SYT1: variants seen among roughly 807,000 people sequenced by gnomAD.
SYT1 encodes synaptotagmin 1, also known as synaptotagmin-1.
In SYT1, 8 loss-of-function variants were observed where a neutral mutation model predicts 44.8. The ratio of observed to expected loss-of-function variants is 0.18; its 90% CI spans 0.10 to 0.32. The LOEUF (loss-of-function observed/expected upper bound fraction) is 0.32, where lower values mean the gene tolerates loss of function less well. Among genes scored for constraint, SYT1 ranks in the 10% least tolerant of loss-of-function variants. SYT1 has a pLI of 1.00. For synonymous variants in SYT1, 154 were observed against 188.8 expected (o/e 0.82, Z 1.51); for missense variants, 286 against 509.3 (o/e 0.56, Z 4.22).
At chr12:79,196,758 T>A (rs894963942) in intron 3 of SYT1, among the ~76,000 whole-genome samples, 7 of 152,104 alleles carry the variant, frequency 4.6e-5, no homozygotes, top group African/African-American at 1.7e-4. Context: ...CAACAGGAGG[T>A]AAGAGAGTCA....
chr12:79,083,822 T>A (rs1176690660), intron 3 of SYT1, among the ~76,000 whole-genome samples: 1 of 152,160 alleles, frequency 6.6e-6, no homozygotes, highest in Non-Finnish European at 1.5e-5. Context: ...AATATTTGAT[T>A]CTTGGAGAGA....
chr12:79,302,338 G>A (rs1213151743), intron 8 of SYT1, among the ~76,000 whole-genome samples: 4 of 152,082 alleles, frequency 2.6e-5, no homozygotes, highest in Non-Finnish European at 5.9e-5. Context: ...GATTTAAAGA[G>A]GTTAAATCAA....
chr12:79,440,985 A>G (rs1870378276), intron 9 of SYT1, among the ~76,000 whole-genome samples: 1 of 152,204 alleles, frequency 6.6e-6, no homozygotes, highest in South Asian at 2.1e-4. Flanking sequence ...ACTAGAAGAC[A>G]CTTAGTTCCT....
At position 78,974,251 on chromosome 12, in the gene SYT1, C is replaced by T. The variant is rs553190346; in HGVS notation, c.-216-3548C>T. Reference sequence around the variant, plus strand: ...TACAGTAAAAATATGGTATTATAAGCTTATGAGACCATCATCTTAAATGCA... The same window carrying T: ...TACAGTAAAAATATGGTATTATAAGTTTATGAGACCATCATCTTAAATGCA... On this transcript the variant is annotated intron_variant, in intron 1 of 10. Transcript: ENST00000261205. Among the ~76,000 whole-genome samples the T allele has an allele frequency of 1.9e-4, 28 of 151,090 alleles. No homozygotes were observed. The South Asian group carries it at 5.8e-3, about 31-fold the overall frequency.
At chr12:79,057,836 G>C (rs1229935695) in intron 3 of SYT1, among the ~76,000 whole-genome samples, 1 of 151,790 alleles carries the variant, frequency 6.6e-6, no homozygotes, top group East Asian at 1.9e-4. Flanking sequence ...TATGGCTTCA[G>C]GCTGCTAAAA....
intron 3 of SYT1, among the ~76,000 whole-genome samples, chr12:79,127,390 A>G (rs1868506875): frequency 6.6e-6 from 1 of 151,768 alleles, no homozygotes; most frequent in East Asian, 1.9e-4. Context: ...AAACATGGGC[A>G]GTTCTTACGA....
At chr12:79,095,209 T>A (rs1878043773) in intron 3 of SYT1, among the ~76,000 whole-genome samples, 2 of 151,824 alleles carry the variant, frequency 1.3e-5, no homozygotes, top group African/African-American at 4.8e-5. Context: ...AACAAATAAT[T>A]CAAATAAATT....
chr12:78,912,137 G>A (rs921565094), intron 1 of SYT1, among the ~76,000 whole-genome samples: 1 of 151,878 alleles, frequency 6.6e-6, no homozygotes, highest in Non-Finnish European at 1.5e-5. Context: ...AATGTTAGGT[G>A]TATCTGTCAT....
intron 1 of SYT1, among the ~76,000 whole-genome samples, chr12:78,871,834 G>T (rs894162175): frequency 1.3e-5 from 2 of 151,368 alleles, no homozygotes; most frequent in African/African-American, 4.8e-5. Context: ...GTGAACTATT[G>T]GGCATTAGAG....
chr12:79,010,636 A>G (rs1177033333), intron 2 of SYT1, among the ~76,000 whole-genome samples: 1 of 152,088 alleles, frequency 6.6e-6, no homozygotes, highest in African/African-American at 2.4e-5. Context: ...ATGCCTCCAA[A>G]ACACCCAGAT....
At chr12:78,910,667 A>G (rs1876264808) in intron 1 of SYT1, among the ~76,000 whole-genome samples, 1 of 152,014 alleles carries the variant, frequency 6.6e-6, no homozygotes, top group South Asian at 2.1e-4. Context: ...CAAATAGAGT[A>G]ATTAGATAAT....
chr12:79,446,344 A>G (rs1051407583), intron 10 of SYT1, among the ~76,000 whole-genome samples: 6 of 152,130 alleles, frequency 3.9e-5, no homozygotes, highest in African/African-American at 1.2e-4. Context: ...AAATAGATCT[A>G]ACAATAAGAT....
chr12:78,999,168 T>A (rs1237728435), intron 2 of SYT1, among the ~76,000 whole-genome samples: 1 of 152,170 alleles, frequency 6.6e-6, no homozygotes, highest in East Asian at 1.9e-4. Context: ...AATTCATATC[T>A]CGTGTTTTTC....
chr12:79,209,417 G>C (rs536537301), intron 3 of SYT1, among the ~76,000 whole-genome samples: 38 of 152,278 alleles, frequency 2.5e-4, no homozygotes, highest in African/African-American at 8.9e-4. Flanking sequence ...ACTAGGAAAT[G>C]TTCTCCATGT....
intron 8 of SYT1, among the ~76,000 whole-genome samples, chr12:79,310,399 A>G (rs999057460): frequency 2.6e-5 from 4 of 152,034 alleles, no homozygotes; most frequent in African/African-American, 7.3e-5. Context: ...TACCAGTACC[A>G]TGCTGTTTTG....
chr12:79,205,813 A>C (rs760674861), intron 3 of SYT1, among the ~76,000 whole-genome samples: 17 of 152,172 alleles, frequency 1.1e-4, no homozygotes, highest in Non-Finnish European at 2.1e-4. Flanking sequence ...TCTGAAATTC[A>C]TGTTGACTAC....
Position 78,956,342 on chromosome 12 carries a change from C to CT in SYT1, c.-216-21448dup, listed in dbSNP as rs113766038. Among the ~76,000 whole-genome samples, 442 of 151,218 alleles carry CT rather than the reference C, an allele frequency of 2.9e-3. 2 individuals carry two copies. Among genetic ancestry groups the CT allele is most frequent in the African/African-American group, 0.01 (425 of 41,238 alleles). On this transcript the variant is annotated intron_variant, in intron 1 of 10. Transcript: ENST00000261205. ...TTGAGTTTGAATCCTAGCTCTTCTC[C>CT]TTTTTTTTTCCATGATGGGCAATTT...
rs1214231725 is a variant in SYT1, at chr12:79,445,994, T to C, written c.1062+1788T>C. The stretch of plus-strand genomic sequence containing the variant: ...ATGGAAACATTAATCCAAAGACATA[T>C]ATATATATATATATATATATATATA... On this transcript the variant is annotated intron_variant, in intron 10 of 10. Transcript: ENST00000261205. 2.4e-3 allele frequency among the ~76,000 whole-genome samples: 191 copies of C among 79,244 alleles called. 1 individual carries two copies. Among genetic ancestry groups the C allele is most frequent in the Admixed American group, 3.5e-3 (30 of 8,476 alleles). 52.0% of individuals were successfully genotyped at this position (79,244 alleles called of 152,430 possible).
At chr12:79,063,101 A>T (rs537886236) in intron 3 of SYT1, among the ~76,000 whole-genome samples, 9 of 152,276 alleles carry the variant, frequency 5.9e-5, no homozygotes, top group African/African-American at 2.2e-4. Flanking sequence ...CTTTAACCTC[A>T]CAAAACTGAT....
Sources: allele counts gnomAD v4.1 joint callset (sites outside exome capture counted in the v4.1 genomes callset), GRCh38; gene constraint gnomAD v4.1.1; transcripts MANE v1.5; gene names NCBI Gene and HGNC (gene_info 2026-07-23, HGNC 2026-07-21).